ARRDC2: variants seen among roughly 807,000 people sequenced by gnomAD.
ARRDC2 encodes arrestin domain containing 2, also known as arrestin domain-containing protein 2.
A neutral mutation model predicts 38.9 loss-of-function variants in ARRDC2; 39 were observed. The observed-to-expected ratio is 1.00, with a 90% CI of 0.78 to 1.31. The LOEUF (loss-of-function observed/expected upper bound fraction) is 1.31, where lower values mean the gene tolerates loss of function less well. Ranked by LOEUF, ARRDC2 falls within the 50% of genes most tolerant of loss-of-function variation. ARRDC2 has a pLI of 0.00. For missense variants in ARRDC2, 553 were observed against 588.4 expected (o/e 0.94, Z 0.62); for synonymous variants, 300 against 261.9 (o/e 1.15, Z -1.41).
chr19:18,009,495 C>G (rs1211081354), intron 3 of ARRDC2, 97 bp from the exon 4 acceptor site: 2 of 1,150,204 alleles, frequency 1.7e-6, no homozygotes, highest in African/African-American at 3.1e-5. Flanking sequence ...AAGCCCTGCC[C>G]AAAGTCCTCC....
chr19:18,008,948 G>T (rs775877444), intron 2 of ARRDC2, 23 bp from the exon 3 acceptor site: 1 of 1,612,218 alleles, frequency 6.2e-7, no homozygotes, highest in Admixed American at 1.7e-5. Context: ...CTTGTCCCCT[G>T]AAGTCCCGTC....
rs201158191 is a variant in ARRDC2, at chr19:18,009,060, G to T, written c.431G>T (p.Arg144Leu). 1 of 1,613,422 alleles carries T rather than the reference G, an allele frequency of 6.2e-7. No homozygotes were observed. Among genetic ancestry groups the T allele is most frequent in the Non-Finnish European group, 8.5e-7 (1 of 1,180,004 alleles). The change falls in exon 3 of 8, where the codon CGG becomes CTG. Residue 144 changes from arginine to leucine, a missense_variant. By Grantham distance (102) the Arg-to-Leu change is moderately radical. This residue lies in a region of ARRDC2 where 447 missense variants were observed against 456.6 expected (regional missense o/e 0.98). Transcript: ENST00000222250. ...TLHRPWVPARRARKVFTVIEP... is the reference protein window; with the variant it reads ...TLHRPWVPARLARKVFTVIEP... ...CACCGGCCCTGGGTCCCAGCACGCC[G>T]GGCAAGGAAGGTGTTCACTGTCATC...
At chr19:18,004,872 C>T (rs2033241095), upstream of ARRDC2, among the ~76,000 whole-genome samples, 2 of 150,992 alleles carry the variant, frequency 1.3e-5, no homozygotes, top group South Asian at 4.2e-4. Flanking sequence ...TGGTGGTACA[C>T]ACCTGTAATC....
rs1037739848 is a variant in ARRDC2, at chr19:18,008,493, G to A, written c.183G>A (p.Glu61=). The change falls in exon 1 of 8, where the codon GAG becomes GAA. Residue 61 remains glutamate, a synonymous_variant. Coordinates refer to ENST00000222250, the MANE Select transcript of ARRDC2 (RefSeq NM_015683.2). ...GCCGCGCCCACGTGCACTGGACCGA[G>A]TCGCGCAGCGCGGGCTCGAGCACGG... The part of the protein sequence containing the change: ...ARGRAHVHWT[E]SRSAGSSTAY... The A allele has an allele frequency of 2.0e-6, 3 of 1,529,510 alleles. No homozygotes were observed. The highest frequency in any genetic ancestry group is 2.4e-5 in the East Asian group (1 of 40,882). 94.7% of individuals were successfully genotyped at this position (1,529,510 alleles called of 1,614,324 possible). A position where few individuals can be genotyped will look rare whatever the true frequency, so the allele number is the denominator to read the frequency against.
upstream of ARRDC2, chr19:18,007,190 T>C (rs1471617590): frequency 6.6e-6 from 1 of 152,278 alleles, no homozygotes; most frequent in East Asian, 1.9e-4. Flanking sequence ...CAGAGGCAAC[T>C]CCCGCTGGAG....
Position 18,008,499 on chromosome 19 carries a change from C to T in ARRDC2, c.189C>T (p.Arg63=), listed in dbSNP as rs1298458461. Residue 63 remains arginine, a synonymous_variant, in exon 1 of 8, where the codon CGC becomes CGT. Transcript: ENST00000222250. The part of the protein sequence containing the change: ...GRAHVHWTES[R]SAGSSTAYTQ... ...CCCACGTGCACTGGACCGAGTCGCG[C>T]AGCGCGGGCTCGAGCACGGCTTACA... The T allele has an allele frequency of 2.0e-6, 3 of 1,529,802 alleles. No individual in the cohort carries two copies. The highest frequency in any genetic ancestry group is 2.6e-6 in the Non-Finnish European group (3 of 1,145,242). The allele number at this position is 1,529,802 out of a possible 1,614,324, so 94.8% of individuals were successfully genotyped here.
Position 18,013,722 on chromosome 19 carries a change from A to G in ARRDC2, c.*756A>G, listed in dbSNP as rs1436693145. The G allele has an allele frequency of 6.6e-6, 1 of 152,230 alleles. No individual in the cohort carries two copies. Among genetic ancestry groups the G allele is most frequent in the Non-Finnish European group, 1.5e-5 (1 of 68,068 alleles). The allele number at this position is 152,230 out of a possible 1,614,324, so 9.4% of individuals were successfully genotyped here. A position where few individuals can be genotyped will look rare whatever the true frequency, so the allele number is the denominator to read the frequency against. On this transcript the variant is annotated 3_prime_UTR_variant, in exon 8 of 8. Coordinates refer to ENST00000222250, the MANE Select transcript of ARRDC2 (RefSeq NM_015683.2). Reference sequence around the variant, plus strand: ...GGAGCTCCTCCAAGTACCCAGGGGCATCAGAGCTGCCTGGGTGTTACATGG... The same window carrying G: ...GGAGCTCCTCCAAGTACCCAGGGGCGTCAGAGCTGCCTGGGTGTTACATGG...
intron 1 of ARRDC2, chr19:18,001,607 C>T: frequency 2.3e-6 from 3 of 1,299,294 alleles, no homozygotes; most frequent in East Asian, 6.3e-5. Context: ...CCGCAGCAGC[C>T]GGGACCCCCT....
At chr19:18,010,540 C>T (rs1226845524) in intron 6 of ARRDC2, 32 bp from the exon 7 acceptor site, 16 of 1,610,528 alleles carry the variant, frequency 9.9e-6, no homozygotes, top group Non-Finnish European at 1.3e-5. Context: ...CTCTCTCCTG[C>T]CAACCTCACC....
chr19:18,001,928 C>T (rs2033194057), intron 1 of ARRDC2, among the ~76,000 whole-genome samples: 1 of 152,150 alleles, frequency 6.6e-6, no homozygotes, highest in African/African-American at 2.4e-5. Context: ...CCCACCCCGC[C>T]CTGGTCAGGA....
chr19:18,010,498 C>CAGCT, intron 6 of ARRDC2, 74 bp from the exon 7 acceptor site: 1 of 1,573,936 alleles, frequency 6.4e-7, no homozygotes, highest in Non-Finnish European at 8.6e-7. Context: ...TGGCACAAGC[C>CAGCT]AGCTCCTGGC....
In ARRDC2 at chr19:18,013,023, CTG is replaced by C. The variant is rs917583518; in HGVS notation, c.*60_*61del. The C allele has an allele frequency of 5.7e-6, 9 of 1,582,350 alleles. No homozygotes were observed. Among genetic ancestry groups the C allele is most frequent in the African/African-American group, 4.0e-5 (3 of 74,118 alleles). On this transcript the variant is annotated 3_prime_UTR_variant, in exon 8 of 8. Transcript: ENST00000222250. ...GCACACCAGCTTTCAGCCACCATGA[CTG>C]TGGGGAGTGGCTGGACCAAGGGCTG... is the stretch of plus-strand genomic sequence containing the variant.
upstream of ARRDC2, among the ~76,000 whole-genome samples, chr19:18,005,722 A>ACC (rs1319464431): frequency 7.4e-6 from 1 of 135,898 alleles, no homozygotes; most frequent in Non-Finnish European, 1.6e-5. Flanking sequence ...TGGGGGGCTG[A>ACC]CCCCCCGCCT....
rs146526569 is a variant in ARRDC2 at position 18,008,894 on chromosome 19, C to T, written c.342-77C>T. Reference sequence around the variant, plus strand: ...CAAGACTCTCCCCCTGGGAGGCCCCCGGAGTGTCTGTGTCTCCTTCTCCCT... The same window carrying T: ...CAAGACTCTCCCCCTGGGAGGCCCCTGGAGTGTCTGTGTCTCCTTCTCCCT... On this transcript the variant is annotated intron_variant, in intron 2 of 7. Transcript: ENST00000222250. 4.5e-3 allele frequency: 7,162 copies of T among 1,598,816 alleles called. 17 individuals are homozygous for T. Among genetic ancestry groups the T allele is most frequent in the Non-Finnish European group, 5.6e-3 (6,564 of 1,169,200 alleles).
rs1015408689 is a variant in ARRDC2, at chr19:18,012,930, C to T, written c.1188C>T (p.Leu396=). The change falls in exon 8 of 8, where the codon CTC becomes CTT. Residue 396 remains leucine (L), a synonymous_variant. Transcript: ENST00000222250. The stretch of plus-strand genomic sequence containing the variant: ...TCTCTTAGGAGGATCCAAACCCACT[C>T]TTGGGGGACATGAGGCCGCGCTGCA... ...PLYSEEDPNP[L]LGDMRPRCMT... is the part of the protein sequence containing the mutation. 2 of 1,613,800 alleles carry T rather than the reference C, an allele frequency of 1.2e-6. No individual in the cohort carries two copies. Among genetic ancestry groups the T allele is most frequent in the Admixed American group, 3.3e-5 (2 of 59,954 alleles).
upstream of ARRDC2, among the ~76,000 whole-genome samples, chr19:18,006,523 A>G (rs2033282544): frequency 6.6e-6 from 1 of 152,304 alleles, no homozygotes; most frequent in East Asian, 1.9e-4. Flanking sequence ...GCAGGCTGAG[A>G]CAGGAGAATC....
chr19:18,009,455 G>C (rs1568467511), intron 3 of ARRDC2, 137 bp from the exon 4 acceptor site: 2 of 768,290 alleles, frequency 2.6e-6, no homozygotes, highest in East Asian at 5.1e-5. Flanking sequence ...TCTATTTAAC[G>C]GATAGTTCCT....
chr19:18,002,192 GT>G (rs1427450180), intron 1 of ARRDC2, among the ~76,000 whole-genome samples: 2 of 152,224 alleles, frequency 1.3e-5, no homozygotes, highest in Non-Finnish European at 2.9e-5. Context: ...CCCCACCTCA[GT>G]TTACCCCACA....
Position 18,009,838 on chromosome 19 carries a change from G to T in ARRDC2, c.648G>T (p.Leu216=), listed in dbSNP as rs773984140. The change falls in exon 5 of 8, where the codon CTG becomes CTT. Residue 216 remains leucine, a synonymous_variant. Coordinates refer to ENST00000222250, the MANE Select transcript of ARRDC2 (RefSeq NM_015683.2). ...EIDNGSTRPV[L]PRAAVVQTQT... is the part of the protein sequence containing the mutation. ...ACAACGGCTCCACACGTCCTGTGCT[G>T]CCTCGGGCAGCCGTGGTGCAGACAC... 9 of 1,612,306 alleles carry T rather than the reference G, an allele frequency of 5.6e-6. No homozygotes were observed. In the East Asian group the frequency reaches 1.8e-4, roughly 32 times the overall value.
Sources: gnomAD v4.1 joint callset for allele counts (sites outside exome capture counted in the v4.1 genomes callset) on GRCh38, gnomAD v4.1.1 for gene constraint, gnomAD v4.1.1 regional missense constraint, MANE v1.5 for transcripts, NCBI Gene and HGNC (gene_info 2026-07-23, HGNC 2026-07-21) for gene names.